Variants in SHB observed in about 807,000 individuals in gnomAD.
SHB encodes the protein SH2 domain containing adaptor protein B, also known as SH2 domain-containing adapter protein B.
Under a neutral mutation model 52.3 loss-of-function variants are expected in SHB, and 20 were observed. That is an observed-to-expected ratio of 0.38 (90% CI 0.27 to 0.56). The LOEUF is 0.56. Ranked by LOEUF, SHB falls within the 20% of genes least tolerant of loss-of-function variation. The probability of loss-of-function intolerance (pLI) is 0.71; values close to 1 mark genes in which losing one functional copy is unlikely to be tolerated. For missense variants in SHB, 825 were observed against 723.3 expected, an observed-to-expected ratio of 1.14 and a Z score of -1.61; for synonymous variants, 397 against 316.5, an observed-to-expected ratio of 1.25 and a Z score of -2.70.
At chr9:37,999,425 C>T (rs910112741) in intron 2 of SHB, among the ~76,000 whole-genome samples, 1 of 152,116 alleles carries the variant, frequency 6.6e-6, no homozygotes, top group Non-Finnish European at 1.5e-5. Context: ...GATGCACATG[C>T]AAAATGACAG....
At chr9:38,057,749 T>A (rs1434363541) in intron 1 of SHB, among the ~76,000 whole-genome samples, 1 of 152,266 alleles carries the variant, frequency 6.6e-6, no homozygotes, top group Non-Finnish European at 1.5e-5. Context: ...AATTTAGCCG[T>A]GGCCTGGAGA....
At chr9:38,065,222 A>G (rs527298315) in intron 1 of SHB, among the ~76,000 whole-genome samples, 1 of 152,332 alleles carries the variant, frequency 6.6e-6, no homozygotes, top group South Asian at 2.1e-4. Context: ...CTGGCTGGAA[A>G]TAATGTGAAA....
intron 5 of SHB, among the ~76,000 whole-genome samples, chr9:37,944,133 A>G (rs1181903472): frequency 6.6e-6 from 1 of 152,144 alleles, no homozygotes; most frequent in African/African-American, 2.4e-5. Flanking sequence ...GGGGATGAGG[A>G]AAGTGTTCAA....
intron 5 of SHB, among the ~76,000 whole-genome samples, chr9:37,929,047 G>C (rs1832282921): frequency 6.6e-6 from 1 of 152,254 alleles, no homozygotes; most frequent in African/African-American, 2.4e-5. Flanking sequence ...TGGAGAGGGG[G>C]GTGGGCCTTG....
At chr9:37,980,219 G>A (rs1038874707) in intron 2 of SHB, among the ~76,000 whole-genome samples, 4 of 152,200 alleles carry the variant, frequency 2.6e-5, no homozygotes, top group Non-Finnish European at 5.9e-5. Context: ...TTTACCCACG[G>A]CAGAACTTCT....
intron 1 of SHB, among the ~76,000 whole-genome samples, chr9:38,024,549 C>T (rs1405195829): frequency 6.6e-6 from 1 of 152,226 alleles, no homozygotes; most frequent in Non-Finnish European, 1.5e-5. Flanking sequence ...CCGTCACACA[C>T]ACACACAGCC....
rs553485352 is a variant in SHB, at chr9:38,027,263, A to G, written c.718-11132T>C. 5.4e-3 allele frequency among the ~76,000 whole-genome samples: 819 copies of G among 152,228 alleles called. 8 individuals carry two copies. The highest frequency in any genetic ancestry group is 0.019 in the African/African-American group (792 of 41,542). The stretch of plus-strand genomic sequence containing the variant: ...GAGCTCCAATGCTTCCAAATTTCTC[A>G]CCAGCTATGGAGCTCTACTTTCTCT... On this transcript the variant is annotated intron_variant, in intron 1 of 5. Coordinates refer to ENST00000377707, the MANE Select transcript of SHB (RefSeq NM_003028.3).
At chr9:37,971,240 C>T (rs1390867960) in intron 3 of SHB, among the ~76,000 whole-genome samples, 1 of 152,224 alleles carries the variant, frequency 6.6e-6, no homozygotes, top group Non-Finnish European at 1.5e-5. Flanking sequence ...GATGTACACT[C>T]TCATGCACAC....
intron 2 of SHB, among the ~76,000 whole-genome samples, chr9:38,010,758 G>T (rs1233700502): frequency 6.6e-6 from 1 of 152,216 alleles, no homozygotes; most frequent in East Asian, 1.9e-4. Flanking sequence ...TATCTGCCCA[G>T]GTTATTTGGT....
chr9:38,016,456 TC>T (rs1364843539), intron 1 of SHB, among the ~76,000 whole-genome samples: 4 of 152,194 alleles, frequency 2.6e-5, no homozygotes, highest in African/African-American at 9.6e-5. Flanking sequence ...GAGGGCATCC[TC>T]AGGGAATGTG....
At chr9:38,034,851 C>CTGTA (rs1821462716) in intron 1 of SHB, among the ~76,000 whole-genome samples, 1 of 152,246 alleles carries the variant, frequency 6.6e-6, no homozygotes. Flanking sequence ...TGTGCACCAC[C>CTGTA]ATGCCTGGCT....
rs556153368 is a variant in SHB at position 38,039,993 on chromosome 9, G to T, written c.718-23862C>A. 2.0e-5 allele frequency among the ~76,000 whole-genome samples: 3 copies of T among 152,378 alleles called. No individual in the cohort carries two copies. In the South Asian group the frequency reaches 6.2e-4, roughly 32 times the overall value. On this transcript the variant is annotated intron_variant, in intron 1 of 5. Transcript: ENST00000377707. ...TTCTGAAACTGCATTCTAGAGCTGC[G>T]CCCCAGGCGTGTTTACAGCCGCCTA...
At chr9:37,974,098 T>C (rs1820624414) in intron 3 of SHB, among the ~76,000 whole-genome samples, 1 of 151,852 alleles carries the variant, frequency 6.6e-6, no homozygotes, top group Admixed American at 6.6e-5. Flanking sequence ...CTACTAAAAA[T>C]ACAAAAAATT....
At chr9:37,938,222 T>C (rs1361534774) in intron 5 of SHB, among the ~76,000 whole-genome samples, 1 of 152,184 alleles carries the variant, frequency 6.6e-6, no homozygotes, top group Non-Finnish European at 1.5e-5. Flanking sequence ...GCTCAGAGGC[T>C]GAGACGGGAA....
intron 2 of SHB, among the ~76,000 whole-genome samples, chr9:38,001,625 G>A (rs12343426): frequency 0.42 from 64,376 of 152,088 alleles, 14,013 homozygotes; most frequent in Middle Eastern, 0.5. Context: ...GGTCTTCTGC[G>A]GTCCTGCCTC....
chr9:37,926,573 C>CACA, intron 5 of SHB, among the ~76,000 whole-genome samples: 1 of 152,352 alleles, frequency 6.6e-6, no homozygotes, highest in East Asian at 1.9e-4. Context: ...TGAGACTGAA[C>CACA]ACAAGTCCAT....
At chr9:37,998,570 A>C (rs1820977335) in intron 2 of SHB, among the ~76,000 whole-genome samples, 1 of 152,192 alleles carries the variant, frequency 6.6e-6, no homozygotes, top group African/African-American at 2.4e-5. Context: ...CTCCTGCCTC[A>C]GCCTCCCGAA....
chr9:37,992,534 C>T (rs763793798), intron 2 of SHB, among the ~76,000 whole-genome samples: 1 of 144,136 alleles, frequency 6.9e-6, no homozygotes, highest in Non-Finnish European at 1.5e-5. Flanking sequence ...AAGAGGCTTA[C>T]ACTTCAGTGG....
chr9:37,971,522 G>A (rs1258294742), intron 3 of SHB, among the ~76,000 whole-genome samples: 1 of 152,216 alleles, frequency 6.6e-6, no homozygotes, highest in Non-Finnish European at 1.5e-5. Flanking sequence ...TCCAGCTCCT[G>A]AGTGAGATGG....
Sources: gnomAD v4.1 joint callset for allele counts (sites outside exome capture counted in the v4.1 genomes callset) on GRCh38, gnomAD v4.1.1 for gene constraint, MANE v1.5 for transcripts, NCBI Gene and HGNC (gene_info 2026-07-23, HGNC 2026-07-21) for gene names.